THRAP3: variants seen among roughly 807,000 people sequenced by gnomAD.
THRAP3 encodes the protein thyroid hormone receptor associated protein 3.
A neutral mutation model predicts 101.0 loss-of-function variants in THRAP3; 16 were observed. The ratio of observed to expected loss-of-function variants is 0.16; its 90% CI spans 0.11 to 0.24. The LOEUF is 0.24. THRAP3 is among the 10% of genes least tolerant of loss of function. The pLI is 1.00. For synonymous variants in THRAP3, 407 were observed against 422.6 expected, an observed-to-expected ratio of 0.96 and a Z score of 0.45; for missense variants, 989 against 1,202.7, an observed-to-expected ratio of 0.82 and a Z score of 2.63.
chr1:36,297,171 G>T (rs913445586), intron 9 of THRAP3, among the ~76,000 whole-genome samples: 1 of 152,138 alleles, frequency 6.6e-6, no homozygotes, highest in Non-Finnish European at 1.5e-5. Flanking sequence ...AAACAGGGTG[G>T]AACTAGATAG....
intron 1 of THRAP3, among the ~76,000 whole-genome samples, chr1:36,230,592 C>T (rs1645017703): frequency 6.6e-6 from 1 of 152,152 alleles, no homozygotes; most frequent in African/African-American, 2.4e-5. Flanking sequence ...GTGTGCTTTC[C>T]TTCAGTGATT....
At chr1:36,224,201 A>G (rs935544680), upstream of THRAP3, among the ~76,000 whole-genome samples, 1 of 152,174 alleles carries the variant, frequency 6.6e-6, no homozygotes, top group African/African-American at 2.4e-5. Context: ...GCCCTCCTCC[A>G]TCTCCAGGCC....
intron 2 of THRAP3, among the ~76,000 whole-genome samples, chr1:36,262,410 A>G (rs1645457777): frequency 6.6e-6 from 1 of 152,244 alleles, no homozygotes; most frequent in Non-Finnish European, 1.5e-5. Context: ...GTGATATAGT[A>G]ATATAAAACA....
At chr1:36,236,943 G>C (rs1570237417) in intron 1 of THRAP3, among the ~76,000 whole-genome samples, 1 of 151,904 alleles carries the variant, frequency 6.6e-6, no homozygotes, top group African/African-American at 2.4e-5. Context: ...TTGGGAGGCC[G>C]AGGCGGGCAA....
the THRAP3 span, among the ~76,000 whole-genome samples, chr1:36,218,276 G>A: frequency 6.6e-6 from 1 of 151,606 alleles, no homozygotes; most frequent in Non-Finnish European, 1.5e-5. Context: ...GGCTGAGGCA[G>A]GAGAATCGCT....
rs1645808670 is a variant in THRAP3, at chr1:36,287,239, G to A, written c.1009G>A (p.Ala337Thr). ...TYGSSQKEES[A>T]ASGGAAYTKR... is the part of the protein sequence containing the mutation. ...TGGCTCATCTCAGAAGGAGGAGAGT[G>A]CTGCTTCAGGAGGAGCAGCCTATAC... The change falls in exon 4 of 12, where the codon GCT (alanine) becomes ACT (threonine). Residue 337 changes from alanine (A) to threonine (T), a missense_variant. Ala to Thr is a moderately conservative substitution (Grantham distance 58). Transcript: ENST00000354618. The A allele has an allele frequency of 6.2e-7, 1 of 1,612,674 alleles. No individual in the cohort carries two copies. Among genetic ancestry groups the A allele is most frequent in the East Asian group, 2.2e-5 (1 of 44,852 alleles).
At chr1:36,249,534 G>A (rs924234029) in intron 1 of THRAP3, among the ~76,000 whole-genome samples, 11 of 152,160 alleles carry the variant, frequency 7.2e-5, no homozygotes, top group Non-Finnish European at 1.6e-4. Flanking sequence ...TAGTGGGAGA[G>A]ACAGTTAATT....
At chr1:36,283,187 C>A (rs959201623) in intron 3 of THRAP3, among the ~76,000 whole-genome samples, 9 of 152,184 alleles carry the variant, frequency 5.9e-5, no homozygotes, top group African/African-American at 2.2e-4. Context: ...TACTAACAAG[C>A]TGCATCTGTT....
Position 36,289,319 on chromosome 1 carries a change from G to A in THRAP3, c.1300G>A (p.Asp434Asn). The A allele has an allele frequency of 1.2e-6, 2 of 1,614,144 alleles. No individual in the cohort carries two copies. ...CCACAAGGAGGAGATGGATGATCAA[G>A]ATAAGGACAAAGCTAAGGGAAGAAA... ...DFHKEEMDDQDKDKAKGRKES... is the reference protein window; with the variant it reads ...DFHKEEMDDQNKDKAKGRKES... The change falls in exon 5 of 12, where the codon GAT (aspartate) becomes AAT (asparagine). Residue 434 changes from aspartate (D) to asparagine (N), a missense_variant. Transcript: ENST00000354618.
At chr1:36,282,852 C>G in intron 3 of THRAP3, 152 bp downstream of exon 3, 1 of 739,834 alleles carries the variant, frequency 1.4e-6, no homozygotes, top group Non-Finnish European at 2.2e-6. Context: ...TTCCAGGTCT[C>G]TTTAAACTAC....
At chr1:36,254,114 T>C (rs1645343867) in intron 1 of THRAP3, among the ~76,000 whole-genome samples, 1 of 152,158 alleles carries the variant, frequency 6.6e-6, no homozygotes, top group Admixed American at 6.6e-5. Flanking sequence ...AGTCAGGATA[T>C]TCACCTTCTT....
chr1:36,269,251 C>G (rs1384431981), intron 2 of THRAP3, among the ~76,000 whole-genome samples: 2 of 152,068 alleles, frequency 1.3e-5, no homozygotes, highest in African/African-American at 4.8e-5. Context: ...CTGCAGATGC[C>G]AAACAAACAG....
intron 1 of THRAP3, among the ~76,000 whole-genome samples, chr1:36,236,168 C>T (rs1232666186): frequency 1.3e-5 from 2 of 150,586 alleles, no homozygotes; most frequent in African/African-American, 4.9e-5. Flanking sequence ...TGCAGTGAGC[C>T]GAGATCGCGC....
intron 2 of THRAP3, among the ~76,000 whole-genome samples, chr1:36,260,957 T>C (rs1184521932): frequency 6.6e-6 from 1 of 152,200 alleles, no homozygotes; most frequent in Non-Finnish European, 1.5e-5. Context: ...TACTTTTCCT[T>C]TTTTGTACAA....
intron 9 of THRAP3, among the ~76,000 whole-genome samples, chr1:36,297,608 C>G (rs1645969331): frequency 6.6e-6 from 1 of 151,756 alleles, no homozygotes; most frequent in African/African-American, 2.4e-5. Context: ...ACTACCACGC[C>G]CAGCTAATTT....
At chr1:36,252,912 AT>A (rs1327404758) in intron 1 of THRAP3, among the ~76,000 whole-genome samples, 2 of 133,384 alleles carry the variant, frequency 1.5e-5, no homozygotes, top group Admixed American at 1.6e-4. Flanking sequence ...GTCTCAAAAA[AT>A]ATATATAGAT....
intron 1 of THRAP3, among the ~76,000 whole-genome samples, chr1:36,227,456 AT>A (rs1644974646): frequency 6.6e-6 from 1 of 151,494 alleles, no homozygotes; most frequent in Non-Finnish European, 1.5e-5. Flanking sequence ...CTAATTTTGT[AT>A]TTTTAGTAGA....
intron 2 of THRAP3, among the ~76,000 whole-genome samples, chr1:36,273,545 A>G (rs936138637): frequency 6.6e-6 from 1 of 152,222 alleles, no homozygotes. Flanking sequence ...CACTCTCACC[A>G]TTTTATTTAC....
chr1:36,253,680 A>G (rs917197093), intron 1 of THRAP3, among the ~76,000 whole-genome samples: 5 of 151,634 alleles, frequency 3.3e-5, no homozygotes, highest in African/African-American at 9.7e-5. Context: ...TGCAACTTCA[A>G]GCTCCTGGGC....
Sources: allele counts gnomAD v4.1 joint callset (sites outside exome capture counted in the v4.1 genomes callset), GRCh38; gene constraint gnomAD v4.1.1; transcripts MANE v1.5; gene names NCBI Gene and HGNC (gene_info 2026-07-23, HGNC 2026-07-21).